Variants in ADAMTS19 observed in about 807,000 individuals in gnomAD.
ADAMTS19 encodes the protein A disintegrin and metalloproteinase with thrombospondin motifs 19.
A neutral mutation model predicts 153.3 loss-of-function variants in ADAMTS19; 93 were observed. The observed-to-expected ratio is 0.61, with a 90% CI of 0.51 to 0.72. ADAMTS19 has a LOEUF of 0.72. Ranked by LOEUF, ADAMTS19 falls within the 30% of genes least tolerant of loss-of-function variation. The pLI, the probability that ADAMTS19 is intolerant of heterozygous loss-of-function variation, is 0.00. For synonymous variants in ADAMTS19, 600 were observed against 556.6 expected (o/e 1.08, Z -1.10); for missense variants, 1,482 against 1,552.1 (o/e 0.95, Z 0.76).
intron 10 of ADAMTS19, among the ~76,000 whole-genome samples, chr5:129,627,980 T>C (rs530750357): frequency 3.3e-5 from 5 of 152,170 alleles, no homozygotes; most frequent in African/African-American, 9.6e-5. Context: ...TAAATCATTC[T>C]ACTATAAAGA....
chr5:129,681,910 T>C (rs39589), intron 17 of ADAMTS19, among the ~76,000 whole-genome samples: 22,373 of 152,122 alleles, frequency 0.15, 1,816 homozygotes, highest in East Asian at 0.3. Context: ...ATTTGGTCAC[T>C]TATAATAACA....
At chr5:129,720,170 ATTTATTT>A (rs1756928238) in intron 21 of ADAMTS19, among the ~76,000 whole-genome samples, 1 of 117,666 alleles carries the variant, frequency 8.5e-6, no homozygotes, top group African/African-American at 3.5e-5. Flanking sequence ...ATATATATAT[ATTTATTT>A]TTTTTTTTTT....
chr5:129,620,811 CT>C, intron 9 of ADAMTS19, 53 bp downstream of exon 9: 1 of 1,564,170 alleles, frequency 6.4e-7, no homozygotes, highest in Non-Finnish European at 8.7e-7. Flanking sequence ...TGTGCTGTTT[CT>C]TTTTACAAAT....
intron 6 of ADAMTS19, among the ~76,000 whole-genome samples, chr5:129,540,325 A>G (rs1752613575): frequency 6.6e-6 from 1 of 152,114 alleles, no homozygotes; most frequent in African/African-American, 2.4e-5. Flanking sequence ...TGTCCTGTGC[A>G]GTACAATAAA....
At position 129,461,472 on chromosome 5, in the gene ADAMTS19, GC is replaced by G; in HGVS notation, c.467del (p.Pro156ArgfsTer94). 6.8e-7 allele frequency: 1 copy of G among 1,466,298 alleles called. No individual in the cohort carries two copies. Among genetic ancestry groups the G allele is most frequent in the Non-Finnish European group, 8.9e-7 (1 of 1,118,008 alleles). The allele number at this position is 1,466,298 out of a possible 1,614,324, so 90.8% of individuals were successfully genotyped here. A position where few individuals can be genotyped will look rare whatever the true frequency, so the allele number is the denominator to read the frequency against. Reference sequence around the variant, plus strand: ...GGCAGCCGCCGCCTCCCCCGCAGCCGCCCCCGTCCCCGCCCCCGGCCCAGCA... The same window carrying G: ...GGCAGCCGCCGCCTCCCCCGCAGCCGCCCCGTCCCCGCCCCCGGCCCAGCA... ...SWQPPPPPQP[P>X]PSPPPAQHAE... On this transcript the variant is annotated frameshift_variant, in exon 2 of 23. Transcript: ENST00000274487. LOFTEE classifies it high-confidence loss of function. The surrounding 1 kb of genome is among the most constrained non-coding windows in gnomAD (Gnocchi z 4.6).
intron 16 of ADAMTS19, among the ~76,000 whole-genome samples, chr5:129,670,416 A>T (rs1754250881): frequency 6.6e-6 from 1 of 152,150 alleles, no homozygotes; most frequent in South Asian, 2.1e-4. Flanking sequence ...AATCCTCAGA[A>T]TACCTCTATG....
intron 3 of ADAMTS19, among the ~76,000 whole-genome samples, chr5:129,518,100 A>G (rs1751674424): frequency 6.6e-6 from 1 of 152,170 alleles, no homozygotes; most frequent in East Asian, 1.9e-4. Flanking sequence ...TTAACTTTGT[A>G]CCCCAACTTT....
intron 8 of ADAMTS19, among the ~76,000 whole-genome samples, chr5:129,606,696 T>C (rs1750911881): frequency 6.6e-6 from 1 of 152,206 alleles, no homozygotes; most frequent in South Asian, 2.1e-4. Context: ...TCTATTTTTG[T>C]AACTTTACAA....
At chr5:129,563,411 T>C (rs1314488983) in intron 7 of ADAMTS19, among the ~76,000 whole-genome samples, 5 of 152,176 alleles carry the variant, frequency 3.3e-5, no homozygotes, top group Non-Finnish European at 7.4e-5. Context: ...TTAACTTTTG[T>C]CTACATAAAT....
At chr5:129,619,574 A>C (rs1422568390) in intron 8 of ADAMTS19, among the ~76,000 whole-genome samples, 1 of 152,086 alleles carries the variant, frequency 6.6e-6, no homozygotes, top group Non-Finnish European at 1.5e-5. Context: ...ATGGATAATG[A>C]GAAAACATAG....
chr5:129,663,319 G>C (rs1345861676), intron 15 of ADAMTS19, among the ~76,000 whole-genome samples: 2 of 152,130 alleles, frequency 1.3e-5, no homozygotes, highest in Non-Finnish European at 2.9e-5. Context: ...TTAACTTGGT[G>C]ATTCTGCAAG....
At chr5:129,586,433 C>G (rs944601915) in intron 7 of ADAMTS19, among the ~76,000 whole-genome samples, 1 of 152,128 alleles carries the variant, frequency 6.6e-6, no homozygotes, top group African/African-American at 2.4e-5. Context: ...CAATAGGTAG[C>G]CTTTTCAGAC....
intron 2 of ADAMTS19, among the ~76,000 whole-genome samples, chr5:129,502,358 G>C (rs1054537452): frequency 6.6e-6 from 1 of 152,196 alleles, no homozygotes. Flanking sequence ...AAGATAGCGT[G>C]ATGTGTCAAA....
intron 7 of ADAMTS19, among the ~76,000 whole-genome samples, chr5:129,555,592 C>T (rs1305652110): frequency 1.3e-5 from 2 of 152,148 alleles, no homozygotes; most frequent in African/African-American, 4.8e-5. Context: ...GCTACATCTT[C>T]TATCTCACAG....
chr5:129,626,897 G>T (rs999804889), intron 10 of ADAMTS19, among the ~76,000 whole-genome samples: 1 of 152,086 alleles, frequency 6.6e-6, no homozygotes, highest in African/African-American at 2.4e-5. Context: ...AGATGGTTAG[G>T]ATGGTGTTAT....
At chr5:129,710,127 C>T (rs371113783) in intron 21 of ADAMTS19, among the ~76,000 whole-genome samples, 1 of 152,142 alleles carries the variant, frequency 6.6e-6, no homozygotes, top group Non-Finnish European at 1.5e-5. Flanking sequence ...TCTTCCTCCC[C>T]CTGCCTCACC....
intron 8 of ADAMTS19, among the ~76,000 whole-genome samples, chr5:129,614,078 C>T (rs1009121337): frequency 2.6e-5 from 4 of 151,990 alleles, no homozygotes; most frequent in East Asian, 1.9e-4. Context: ...CAAGACCAGA[C>T]GGATTCACAG....
chr5:129,551,880 C>T lies in ADAMTS19; in HGVS notation c.1345C>T (p.His449Tyr). The T allele has an allele frequency of 6.3e-7, 1 of 1,577,556 alleles. No homozygotes were observed. The highest frequency in any genetic ancestry group is 8.6e-7 in the Non-Finnish European group (1 of 1,163,718). ...ILITRKDFCV[H>Y]KDEPCDTVGI... ...TCTTTCTAGGAAAGATTTCTGTGTG[C>T]ACAAAGATGAACCATGTGATACTGT... The change falls in exon 7 of 23, where the codon CAC becomes TAC. Residue 449 changes from histidine to tyrosine, a missense_variant. Coordinates refer to ENST00000274487, the MANE Select transcript of ADAMTS19 (RefSeq NM_133638.6).
rs553091017 is a variant in ADAMTS19 at position 129,518,692 on chromosome 5, G to A, written c.914-7592G>A. Reference sequence around the variant, plus strand: ...CTTCTTTGAATTAAATCTGCTTGGTGTTCTATAACCTTTTTGTATTTGGAT... The same window carrying A: ...CTTCTTTGAATTAAATCTGCTTGGTATTCTATAACCTTTTTGTATTTGGAT... On this transcript the variant is annotated intron_variant, in intron 3 of 22. Transcript: ENST00000274487. Among the ~76,000 whole-genome samples the A allele has an allele frequency of 1.4e-4, 21 of 152,134 alleles. No individual in the cohort carries two copies. The South Asian group carries it at 2.9e-3, about 21-fold the overall frequency.
Sources: allele counts gnomAD v4.1 joint callset (sites outside exome capture counted in the v4.1 genomes callset), GRCh38; gene constraint gnomAD v4.1.1; non-coding constraint Gnocchi (gnomAD v3.1); transcripts MANE v1.5; gene names NCBI Gene and HGNC (gene_info 2026-07-23, HGNC 2026-07-21).